PSD3: variants seen among roughly 807,000 people sequenced by gnomAD.
PSD3 encodes PH and SEC7 domain-containing protein 3.
A neutral mutation model predicts 105.5 loss-of-function variants in PSD3; 49 were observed. That is an observed-to-expected ratio of 0.46 (90% CI 0.37 to 0.59). The LOEUF is 0.59. Among genes scored for constraint, PSD3 ranks in the 20% least tolerant of loss-of-function variants. The probability of loss-of-function intolerance (pLI) is 0.00; values close to 1 mark genes in which losing one functional copy is unlikely to be tolerated. For missense variants in PSD3, 1,561 were observed against 1,263.8 expected (o/e 1.24, Z -3.57); for synonymous variants, 557 against 457.8 (o/e 1.22, Z -2.77).
At chr8:18,639,491 G>C (rs1414585665) in intron 10 of PSD3, among the ~76,000 whole-genome samples, 1 of 152,114 alleles carries the variant, frequency 6.6e-6, no homozygotes, top group Non-Finnish European at 1.5e-5. Flanking sequence ...CTAACTTCCA[G>C]CATTTAGGAA....
At chr8:18,645,568 C>A (rs1234060404) in intron 10 of PSD3, among the ~76,000 whole-genome samples, 2 of 152,106 alleles carry the variant, frequency 1.3e-5, no homozygotes, top group African/African-American at 4.8e-5. Flanking sequence ...CTTAGTTATT[C>A]TTCGTATAGA....
intron 9 of PSD3, among the ~76,000 whole-genome samples, chr8:18,742,328 C>A (rs1209419292): frequency 1.3e-5 from 2 of 152,000 alleles, no homozygotes; most frequent in Non-Finnish European, 2.9e-5. Flanking sequence ...GACAGACGGG[C>A]CTTAAATTTG....
In PSD3 at chr8:18,841,855, A is replaced by G. The variant is rs78082389; in HGVS notation, c.1634+25819T>C. On this transcript the variant is annotated intron_variant, in intron 4 of 15. Transcript: ENST00000327040. ...TGAATCTAAACACATTAGCTAGTAA[A>G]GAGACCCTAATCCCTTCATTAAAGA... Among the ~76,000 whole-genome samples the G allele has an allele frequency of 3.5e-4, 54 of 152,324 alleles. 1 individual carries two copies. In the East Asian group the frequency reaches 5.2e-3, roughly 15 times the overall value.
At chr8:19,079,276 G>T (rs1286064287) in intron 1 of PSD3, among the ~76,000 whole-genome samples, 2 of 152,118 alleles carry the variant, frequency 1.3e-5, no homozygotes, top group Non-Finnish European at 2.9e-5. Context: ...AACCAACGTA[G>T]CGTAAAATGA....
At chr8:18,636,585 C>G (rs1377809934) in intron 10 of PSD3, among the ~76,000 whole-genome samples, 2 of 152,196 alleles carry the variant, frequency 1.3e-5, no homozygotes, top group Non-Finnish European at 2.9e-5. Context: ...CACTCAGTCA[C>G]TGACCCACCC....
chr8:18,911,892 C>T (rs1051539547), intron 2 of PSD3, among the ~76,000 whole-genome samples: 15 of 152,154 alleles, frequency 9.9e-5, no homozygotes. Context: ...CACATTTTGT[C>T]AGCCTACACC....
chr8:18,629,888 T>C (rs573059288), intron 11 of PSD3, among the ~76,000 whole-genome samples: 2 of 151,956 alleles, frequency 1.3e-5, no homozygotes, highest in Non-Finnish European at 2.9e-5. Context: ...TTCTGGATTG[T>C]AAGGCTGAAT....
intron 9 of PSD3, among the ~76,000 whole-genome samples, chr8:18,658,820 G>A (rs1809094230): frequency 6.6e-6 from 1 of 151,990 alleles, no homozygotes; most frequent in Non-Finnish European, 1.5e-5. Context: ...TAAAAAGTAT[G>A]CTCTAGTAGC....
At chr8:18,808,791 A>T (rs765631596) in intron 4 of PSD3, 3 of 1,613,880 alleles carry the variant, frequency 1.9e-6, no homozygotes, top group Non-Finnish European at 2.5e-6. Context: ...GCCCATCGCA[A>T]CCCCTGGGGT....
chr8:19,084,379 C>T (rs557757586), exon 1 of PSD3: 218 of 456,272 alleles, frequency 4.8e-4, no homozygotes, highest in Non-Finnish European at 6.7e-4. Context: ...GTCCTTTCCG[C>T]TCCATCTGCA....
intron 2 of PSD3, among the ~76,000 whole-genome samples, chr8:18,879,501 G>A (rs966868205): frequency 1.3e-5 from 2 of 152,308 alleles, no homozygotes; most frequent in Non-Finnish European, 2.9e-5. Flanking sequence ...TCTAAGTCAG[G>A]ACTAAATTTC....
chr8:18,693,665 G>A (rs1481547591), intron 9 of PSD3, among the ~76,000 whole-genome samples: 1 of 152,186 alleles, frequency 6.6e-6, no homozygotes, highest in Non-Finnish European at 1.5e-5. Context: ...TGTTGCAGTT[G>A]TGGTGGCAAC....
chr8:18,564,921 T>C (rs1801641519), intron 14 of PSD3, among the ~76,000 whole-genome samples: 1 of 152,090 alleles, frequency 6.6e-6, no homozygotes, highest in Non-Finnish European at 1.5e-5. Context: ...AAAAAGTATT[T>C]AGTACCCATG....
chr8:18,724,527 C>G (rs1803213746), intron 9 of PSD3, among the ~76,000 whole-genome samples: 1 of 151,976 alleles, frequency 6.6e-6, no homozygotes, highest in Non-Finnish European at 1.5e-5. Flanking sequence ...GCAGGAGGAT[C>G]ACTTGAGCCC....
chr8:18,670,515 T>G (rs913913527), intron 9 of PSD3, among the ~76,000 whole-genome samples: 1 of 152,096 alleles, frequency 6.6e-6, no homozygotes, highest in Non-Finnish European at 1.5e-5. Flanking sequence ...TTGACTGGGA[T>G]GAAGGCAGGC....
intron 11 of PSD3, among the ~76,000 whole-genome samples, chr8:18,610,685 G>C (rs1216428700): frequency 6.6e-6 from 1 of 152,062 alleles, no homozygotes; most frequent in Non-Finnish European, 1.5e-5. Context: ...TGCATATTTT[G>C]ATAGAGAATA....
At chr8:18,834,233 A>C (rs1220945974) in intron 4 of PSD3, among the ~76,000 whole-genome samples, 2 of 152,240 alleles carry the variant, frequency 1.3e-5, no homozygotes, top group Non-Finnish European at 2.9e-5. Flanking sequence ...CTAACCTAGA[A>C]ACTAGCAGAA....
chr8:19,077,056 T>C lies in PSD3; in HGVS notation c.324+7150A>G, dbSNP rs560201760. 8.5e-5 allele frequency among the ~76,000 whole-genome samples: 13 copies of C among 152,310 alleles called. No homozygotes were observed. The East Asian group carries it at 1.9e-3, about 23-fold the overall frequency. The stretch of plus-strand genomic sequence containing the variant: ...TTGTTTTTATTTATTATTTGTGCTG[T>C]TGTTATAGGATATTGGAAATGCTTT... On this transcript the variant is annotated intron_variant, in intron 1 of 1. Coordinates refer to the PSD3 transcript ENST00000521475.
chr8:18,818,505 A>G (rs914459612), intron 4 of PSD3, among the ~76,000 whole-genome samples: 1 of 152,046 alleles, frequency 6.6e-6, no homozygotes, highest in Non-Finnish European at 1.5e-5. Context: ...ACTCAATCTC[A>G]AAGTGTTTGG....
Sources: allele counts gnomAD v4.1 joint callset (sites outside exome capture counted in the v4.1 genomes callset), GRCh38; gene constraint gnomAD v4.1.1; transcripts MANE v1.5; gene names NCBI Gene and HGNC (gene_info 2026-07-23, HGNC 2026-07-21).